The following LRRC4C variants were observed in gnomAD, a reference collection of about 807,000 sequenced individuals.
LRRC4C encodes leucine-rich repeat-containing protein 4C.
In LRRC4C, 5 loss-of-function variants were observed where a neutral mutation model predicts 33.6. That is an observed-to-expected ratio of 0.15 (90% CI 0.08 to 0.31). The LOEUF (loss-of-function observed/expected upper bound fraction) is 0.31. LRRC4C is among the 10% of genes least tolerant of loss of function. LRRC4C has a pLI of 1.00. For synonymous variants in LRRC4C, 329 were observed against 302.0 expected (o/e 1.09, Z -0.93); for missense variants, 560 against 796.7 (o/e 0.70, Z 3.58).
rs3067232 is a variant in LRRC4C at position 41,220,533 on chromosome 11, T to TACACACACAC, written c.-496+238888_-496+238897dup. Among the ~76,000 whole-genome samples, 378 of 144,330 alleles carry TACACACACAC rather than the reference T, an allele frequency of 2.6e-3. 3 individuals carry two copies. The highest frequency in any genetic ancestry group is 8.7e-3 in the African/African-American group (338 of 38,958). 94.7% of individuals were successfully genotyped at this position (144,330 alleles called of 152,430 possible). On this transcript the variant is annotated intron_variant, in intron 1 of 6. Coordinates refer to ENST00000528697, the MANE Select transcript of LRRC4C (RefSeq NM_001258419.2). Reference sequence around the variant, plus strand: ...TCCTCCAATATTAAACACACAGACATACACACACACACACACACACACACA... The same window carrying TACACACACAC: ...TCCTCCAATATTAAACACACAGACATACACACACACACACACACACACACACACACACACA...
At chr11:40,504,852 T>C (rs755156255) in intron 3 of LRRC4C, among the ~76,000 whole-genome samples, 7 of 152,172 alleles carry the variant, frequency 4.6e-5, no homozygotes, top group Non-Finnish European at 1.0e-4. Flanking sequence ...ATTTTCTGGC[T>C]CTGTCTTAGA....
At chr11:40,786,507 A>G (rs996702354) in intron 2 of LRRC4C, among the ~76,000 whole-genome samples, 1 of 152,216 alleles carries the variant, frequency 6.6e-6, no homozygotes, top group Non-Finnish European at 1.5e-5. Context: ...GCCAATGTGT[A>G]GAAGTCTAAG....
intron 3 of LRRC4C, among the ~76,000 whole-genome samples, chr11:40,501,299 C>T (rs1023116360): frequency 1.3e-5 from 2 of 152,092 alleles, no homozygotes; most frequent in African/African-American, 2.4e-5. Flanking sequence ...CATTCTGGGG[C>T]CTGGAGGACA....
intron 3 of LRRC4C, among the ~76,000 whole-genome samples, chr11:40,460,798 T>C (rs1383546125): frequency 3.9e-5 from 6 of 152,154 alleles, no homozygotes; most frequent in African/African-American, 1.2e-4. Context: ...GAGGCATATA[T>C]GAGAGACTTG....
chr11:40,690,762 T>G (rs1945186754), intron 2 of LRRC4C, among the ~76,000 whole-genome samples: 1 of 152,082 alleles, frequency 6.6e-6, no homozygotes, highest in Non-Finnish European at 1.5e-5. Flanking sequence ...TTCCTCAATG[T>G]GCATATATTT....
At chr11:40,187,561 G>A (rs910318972) in intron 5 of LRRC4C, among the ~76,000 whole-genome samples, 4 of 151,872 alleles carry the variant, frequency 2.6e-5, no homozygotes, top group African/African-American at 4.8e-5. Context: ...AGCACCACAC[G>A]ATATTGGCAC....
At chr11:41,369,862 G>T (rs1033912242) in intron 1 of LRRC4C, among the ~76,000 whole-genome samples, 5 of 152,178 alleles carry the variant, frequency 3.3e-5, no homozygotes, top group African/African-American at 1.2e-4. Flanking sequence ...GGATGGATTT[G>T]CATGATGACA....
rs1957655911 is a variant in LRRC4C, at chr11:40,932,131, A to T, written c.-407+1504T>A. Among the ~76,000 whole-genome samples, 3 of 152,156 alleles carry T rather than the reference A, an allele frequency of 2.0e-5. No homozygotes were observed. The South Asian group carries it at 6.2e-4, about 32-fold the overall frequency. ...GAATTTGCAGCATTGCTATAAATTG[A>T]AAAAGAGAGGAGGGAGTTATTACTG... On this transcript the variant is annotated intron_variant, in intron 2 of 6. Coordinates refer to ENST00000528697, the MANE Select transcript of LRRC4C (RefSeq NM_001258419.2).
chr11:40,529,034 A>G (rs74498942), intron 3 of LRRC4C, among the ~76,000 whole-genome samples: 14,482 of 152,172 alleles, frequency 0.095, 804 homozygotes, highest in Middle Eastern at 0.15. Context: ...TTTCAGTTAC[A>G]TAAAATAAAT....
At chr11:40,471,486 C>CA (rs1306116672) in intron 3 of LRRC4C, among the ~76,000 whole-genome samples, 1 of 152,006 alleles carries the variant, frequency 6.6e-6, no homozygotes, top group Non-Finnish European at 1.5e-5. Flanking sequence ...AACTAACAGG[C>CA]AAAATAACCA....
intron 2 of LRRC4C, among the ~76,000 whole-genome samples, chr11:40,666,622 TC>T (rs1191108203): frequency 6.6e-6 from 1 of 152,146 alleles, no homozygotes; most frequent in Non-Finnish European, 1.5e-5. Flanking sequence ...GCTAATAGTA[TC>T]TTATATCAAT....
At chr11:41,441,276 G>T (rs377167233) in intron 1 of LRRC4C, among the ~76,000 whole-genome samples, 29 of 152,186 alleles carry the variant, frequency 1.9e-4, no homozygotes, top group East Asian at 9.7e-4. Flanking sequence ...TTTATTTTTT[G>T]TGTGTGTGTT....
intron 2 of LRRC4C, among the ~76,000 whole-genome samples, chr11:40,889,716 C>CTTTTTTTGTTTCTGTT (rs1955617578): frequency 6.6e-6 from 1 of 152,056 alleles, no homozygotes; most frequent in Non-Finnish European, 1.5e-5. Context: ...AGTAGCAACA[C>CTTTTTTTGTTTCTGTT]TGTGCTATTT....
At chr11:41,312,508 GTCTC>G (rs1175416475) in intron 1 of LRRC4C, among the ~76,000 whole-genome samples, 4 of 152,134 alleles carry the variant, frequency 2.6e-5, no homozygotes, top group African/African-American at 9.7e-5. Context: ...GCATTTCTGT[GTCTC>G]TCTGTGAGAA....
intron 5 of LRRC4C, among the ~76,000 whole-genome samples, chr11:40,161,909 T>A (rs974451640): frequency 4.6e-5 from 7 of 152,174 alleles, no homozygotes; most frequent in African/African-American, 1.7e-4. Context: ...AACGTCTTAG[T>A]CCATTTGTGC....
chr11:40,232,711 T>C (rs1850564367), intron 5 of LRRC4C, among the ~76,000 whole-genome samples: 1 of 152,194 alleles, frequency 6.6e-6, no homozygotes, highest in South Asian at 2.1e-4. Flanking sequence ...AAATAAAATT[T>C]TCCAAGTTCA....
chr11:40,441,934 G>A (rs924788871), intron 3 of LRRC4C, among the ~76,000 whole-genome samples: 3 of 152,008 alleles, frequency 2.0e-5, no homozygotes, highest in Non-Finnish European at 4.4e-5. Context: ...AGGCCGAGGC[G>A]GGTGGATCAC....
At chr11:40,259,061 G>A (rs1867459588) in intron 4 of LRRC4C, among the ~76,000 whole-genome samples, 1 of 152,110 alleles carries the variant, frequency 6.6e-6, no homozygotes, top group Non-Finnish European at 1.5e-5. Flanking sequence ...TGCAAATGAG[G>A]TAGTCAAGAC....
intron 5 of LRRC4C, among the ~76,000 whole-genome samples, chr11:40,198,738 A>G (rs1044575439): frequency 6.6e-6 from 1 of 152,200 alleles, no homozygotes; most frequent in East Asian, 1.9e-4. Context: ...TTATTCAGCA[A>G]GCTTTCTAAA....
Sources: gnomAD v4.1 joint callset for allele counts (sites outside exome capture counted in the v4.1 genomes callset) on GRCh38, gnomAD v4.1.1 for gene constraint, MANE v1.5 for transcripts, NCBI Gene and HGNC (gene_info 2026-07-23, HGNC 2026-07-21) for gene names.